Variants in ANO2 observed in about 807,000 individuals in gnomAD.
ANO2 encodes anoctamin 2, also known as anoctamin-2.
Under a neutral mutation model 124.2 loss-of-function variants are expected in ANO2, and 101 were observed. That is an observed-to-expected ratio of 0.81 (90% CI 0.69 to 0.96). ANO2 has a LOEUF of 0.96. Ranked by LOEUF, ANO2 falls within the 40% of genes least tolerant of loss-of-function variation. The probability of loss-of-function intolerance (pLI) is 0.00; values close to 1 mark genes in which losing one functional copy is unlikely to be tolerated. For synonymous variants in ANO2, 486 were observed against 482.5 expected (o/e 1.01, Z -0.09); for missense variants, 1,293 against 1,274.5 (o/e 1.01, Z -0.22).
intron 3 of ANO2, among the ~76,000 whole-genome samples, chr12:5,865,660 C>T (rs771151999): frequency 4.0e-5 from 6 of 151,650 alleles, no homozygotes; most frequent in Admixed American, 1.3e-4. Flanking sequence ...CATGCATTCA[C>T]GCTATCGTGC....
intron 15 of ANO2, among the ~76,000 whole-genome samples, chr12:5,643,506 A>G (rs772123541): frequency 6.6e-6 from 1 of 152,164 alleles, no homozygotes; most frequent in Non-Finnish European, 1.5e-5. Flanking sequence ...GGGCTTCCAT[A>G]GACGTTCTTG....
Position 5,612,637 on chromosome 12 carries a change from AGAG to A in ANO2, c.2087+16_2087+18del. 6.2e-7 allele frequency: 1 copy of A among 1,607,634 alleles called. No homozygotes were observed. Among genetic ancestry groups the A allele is most frequent in the Non-Finnish European group, 8.5e-7 (1 of 1,174,174 alleles). On this transcript the variant is annotated intron_variant, in intron 19 of 24. Coordinates refer to ENST00000682330, the MANE Select transcript of ANO2 (RefSeq NM_001364791.2). ...ACCCCTGGCAGCAAGGAGAGAGGTT[AGAG>A]GAGTTCATTACATACGGGACTCCAA...
intron 3 of ANO2, among the ~76,000 whole-genome samples, chr12:5,878,001 C>A (rs1012465335): frequency 2.0e-5 from 3 of 152,168 alleles, no homozygotes; most frequent in Non-Finnish European, 4.4e-5. Context: ...GGGTTGGAGA[C>A]CCCTGGTTTA....
chr12:5,808,931 G>A (rs763343166), intron 7 of ANO2, among the ~76,000 whole-genome samples: 13 of 152,146 alleles, frequency 8.5e-5, no homozygotes, highest in Non-Finnish European at 1.3e-4. Flanking sequence ...CAGGCCCCAC[G>A]TGGGAGCAGA....
At chr12:5,910,925 G>C (rs1029003350) in intron 3 of ANO2, among the ~76,000 whole-genome samples, 5 of 152,172 alleles carry the variant, frequency 3.3e-5, no homozygotes, top group Admixed American at 6.5e-5. Flanking sequence ...GTCCACGCCA[G>C]CATCTCAGCA....
At chr12:5,934,726 G>A (rs79472941) in intron 1 of ANO2, among the ~76,000 whole-genome samples, 3,675 of 152,244 alleles carry the variant, frequency 0.024, 172 homozygotes, top group African/African-American at 0.084. Context: ...TTTTGCAACA[G>A]ATTTGCTCTG....
In ANO2 at chr12:5,635,440, A is replaced by C. The variant is rs2136938098; in HGVS notation, c.1621-93T>G. 3.0e-6 allele frequency: 3 copies of C among 990,526 alleles called. No individual in the cohort carries two copies. The highest frequency in any genetic ancestry group is 4.5e-4 in the Middle Eastern group (2 of 4,412). The allele number at this position is 990,526 out of a possible 1,614,324, so 61.4% of individuals were successfully genotyped here. ...CAACAGTACCATTTGCTGTTATCAG[A>C]TATTATTAATCTGGAATCTTTTGTT... On this transcript the variant is annotated intron_variant, in intron 15 of 24. Transcript: ENST00000682330. This position sits in a 1 kb window ranked among gnomAD's most constrained non-coding sequence, Gnocchi z 5.2.
rs946887181 is a variant in ANO2, at chr12:5,707,246, C to T, written c.1545+25274G>A. Among the ~76,000 whole-genome samples the T allele has an allele frequency of 2.6e-5, 4 of 152,256 alleles. No individual in the cohort carries two copies. In the East Asian group the frequency reaches 7.7e-4, roughly 29 times the overall value. ...CGCCATATAAGATGTGCTTTGCCTCCCTTTCACCTTCTGCCATGATTGTAA... is the reference window on the plus strand; with the variant it reads ...CGCCATATAAGATGTGCTTTGCCTCTCTTTCACCTTCTGCCATGATTGTAA... On this transcript the variant is annotated intron_variant, in intron 14 of 24. Coordinates refer to ENST00000682330, the MANE Select transcript of ANO2 (RefSeq NM_001364791.2).
At position 5,668,324 on chromosome 12, in the gene ANO2, A is replaced by G. The variant is rs11063807; in HGVS notation, c.1546-20523T>C. 9.3e-3 allele frequency among the ~76,000 whole-genome samples: 1,415 copies of G among 151,884 alleles called. 6 individuals carry two copies. The highest frequency in any genetic ancestry group is 0.016 in the Non-Finnish European group (1,107 of 67,956). ...GATCAGTGATGTTGAGCTTTTATTC[A>G]TATGTTTGTTGGCTGCACGAATGTC... is the stretch of plus-strand genomic sequence containing the variant. On this transcript the variant is annotated intron_variant, in intron 14 of 24. Transcript: ENST00000682330.
At chr12:5,676,305 G>A (rs546274423) in intron 14 of ANO2, among the ~76,000 whole-genome samples, 1 of 152,338 alleles carries the variant, frequency 6.6e-6, no homozygotes, top group South Asian at 2.1e-4. Context: ...TAGATAAAAG[G>A]CAAACATGCT....
At chr12:5,625,371 A>G (rs1421682283) in intron 16 of ANO2, among the ~76,000 whole-genome samples, 1 of 79,392 alleles carries the variant, frequency 1.3e-5, no homozygotes, top group African/African-American at 3.0e-5. Flanking sequence ...TAGGGGTGAG[A>G]GAGAGAGAGA....
rs536251787 is a variant in ANO2, at chr12:5,699,199, T to C, written c.1545+33321A>G. Among the ~76,000 whole-genome samples, 32 of 152,304 alleles carry C rather than the reference T, an allele frequency of 2.1e-4. 1 individual carries two copies. In the South Asian group the frequency reaches 5.8e-3, roughly 28 times the overall value. ...GTTAAGGACAGCCAGAGAGAAAGGTTGGGTTACCCACAAAGGGCAGCCCAT... is the reference window on the plus strand; with the variant it reads ...GTTAAGGACAGCCAGAGAGAAAGGTCGGGTTACCCACAAAGGGCAGCCCAT... On this transcript the variant is annotated intron_variant, in intron 14 of 24. Coordinates refer to ENST00000682330, the MANE Select transcript of ANO2 (RefSeq NM_001364791.2).
chr12:5,681,329 C>G (rs904081267), intron 14 of ANO2, among the ~76,000 whole-genome samples: 7 of 152,140 alleles, frequency 4.6e-5, no homozygotes, highest in Non-Finnish European at 8.8e-5. Flanking sequence ...GTCCCTCTAC[C>G]ACTCACATTT....
intron 14 of ANO2, among the ~76,000 whole-genome samples, chr12:5,673,243 C>T (rs373272199): frequency 7.4e-4 from 113 of 152,302 alleles, no homozygotes; most frequent in African/African-American, 2.6e-3. Flanking sequence ...GAAATGGGGA[C>T]TAGATGACAC....
At chr12:5,824,053 A>T (rs539503378) in intron 7 of ANO2, among the ~76,000 whole-genome samples, 13 of 152,150 alleles carry the variant, frequency 8.5e-5, no homozygotes, top group Admixed American at 2.0e-4. Context: ...CAACACAGGG[A>T]CCCTGGGCCC....
At chr12:5,693,798 C>T (rs925407109) in intron 14 of ANO2, among the ~76,000 whole-genome samples, 3 of 152,100 alleles carry the variant, frequency 2.0e-5, no homozygotes, top group Non-Finnish European at 2.9e-5. Flanking sequence ...TTCCTCTGCC[C>T]GGATTCCTTT....
At chr12:5,719,297 ACACACACT>A (rs556403340) in intron 14 of ANO2, among the ~76,000 whole-genome samples, 4,423 of 152,228 alleles carry the variant, frequency 0.029, 65 homozygotes, top group Non-Finnish European at 0.043. Flanking sequence ...GAATTAAGAC[ACACACACT>A]CACACACTCA....
intron 14 of ANO2, among the ~76,000 whole-genome samples, chr12:5,723,239 C>T (rs867444829): frequency 3.3e-4 from 50 of 152,318 alleles, no homozygotes; most frequent in African/African-American, 1.1e-3. Flanking sequence ...AGTCCACTCA[C>T]ATTGCGGTGT....
At chr12:5,804,369 A>G (rs760265177) in intron 9 of ANO2, among the ~76,000 whole-genome samples, 1 of 152,146 alleles carries the variant, frequency 6.6e-6, no homozygotes, top group Non-Finnish European at 1.5e-5. Flanking sequence ...TTTAGTCCTG[A>G]CTTCACGAAC....
Sources: gnomAD v4.1 joint callset for allele counts (sites outside exome capture counted in the v4.1 genomes callset) on GRCh38, gnomAD v4.1.1 for gene constraint, Gnocchi (gnomAD v3.1) non-coding constraint, MANE v1.5 for transcripts, NCBI Gene and HGNC (gene_info 2026-07-23, HGNC 2026-07-21) for gene names.